Variants in SMYD3 observed in about 807,000 individuals in gnomAD.
The protein encoded by SMYD3 is SET and MYND domain containing 3.
In SMYD3, 36 loss-of-function variants were observed where a neutral mutation model predicts 57.7. That is an observed-to-expected ratio of 0.62 (90% CI 0.48 to 0.82). The LOEUF (loss-of-function observed/expected upper bound fraction) is 0.82, where lower values mean the gene tolerates loss of function less well. Among genes scored for constraint, SMYD3 ranks in the 40% least tolerant of loss-of-function variants. The probability of loss-of-function intolerance (pLI) is 0.00; values close to 1 mark genes in which losing one functional copy is unlikely to be tolerated. For synonymous variants in SMYD3, 211 were observed against 195.0 expected (o/e 1.08, Z -0.68); for missense variants, 515 against 538.8 (o/e 0.96, Z 0.44).
intron 5 of SMYD3, among the ~76,000 whole-genome samples, chr1:246,294,354 C>G (rs1292253130): frequency 6.6e-6 from 1 of 152,116 alleles, no homozygotes; most frequent in African/African-American, 2.4e-5. Context: ...AATTTCTTGA[C>G]CAGATTAAAT....
chr1:246,316,731 C>T (rs1056021369), intron 5 of SMYD3, among the ~76,000 whole-genome samples: 5 of 148,452 alleles, frequency 3.4e-5, no homozygotes, highest in Admixed American at 3.3e-4. Flanking sequence ...CACGGTGGCT[C>T]ATGCCTGTAA....
intron 5 of SMYD3, among the ~76,000 whole-genome samples, chr1:246,199,752 C>A (rs2062880450): frequency 6.6e-6 from 1 of 152,214 alleles, no homozygotes; most frequent in African/African-American, 2.4e-5. Context: ...ACAAAGTAAA[C>A]ACGGAGATGC....
chr1:245,969,210 C>T (rs372908851), intron 5 of SMYD3, among the ~76,000 whole-genome samples: 8 of 152,310 alleles, frequency 5.3e-5, no homozygotes, highest in South Asian at 4.1e-4. Flanking sequence ...AAAATCAACA[C>T]GGGTTTGCTG....
intron 1 of SMYD3, among the ~76,000 whole-genome samples, chr1:246,367,856 T>C (rs2066132540): frequency 1.3e-5 from 2 of 152,230 alleles, no homozygotes; most frequent in Non-Finnish European, 2.9e-5. Flanking sequence ...AAGATATTGA[T>C]ATTATTTTTT....
chr1:246,383,336 G>T (rs1270778106), intron 1 of SMYD3, among the ~76,000 whole-genome samples: 1 of 152,124 alleles, frequency 6.6e-6, no homozygotes, highest in South Asian at 2.1e-4. Context: ...TTCTGAGAAC[G>T]TTCTCCTCCC....
intron 8 of SMYD3, among the ~76,000 whole-genome samples, chr1:245,867,164 T>TA (rs1441702939): frequency 9.2e-5 from 14 of 152,126 alleles, no homozygotes; most frequent in Non-Finnish European, 1.6e-4. Context: ...CAAGGGTCCT[T>TA]AGAAGTAGAA....
intron 5 of SMYD3, among the ~76,000 whole-genome samples, chr1:245,979,517 A>G (rs1009605203): frequency 6.6e-6 from 1 of 152,142 alleles, no homozygotes. Context: ...CCACATGAAG[A>G]CGGGGGCAGA....
intron 1 of SMYD3, among the ~76,000 whole-genome samples, chr1:246,458,287 G>C (rs1479087170): frequency 2.0e-5 from 3 of 152,112 alleles, no homozygotes. Context: ...TCTCAGATGA[G>C]AAAAGGAGAG....
intron 5 of SMYD3, among the ~76,000 whole-genome samples, chr1:246,230,013 C>A (rs1007586238): frequency 3.3e-5 from 5 of 152,116 alleles, no homozygotes; most frequent in Non-Finnish European, 7.3e-5. Flanking sequence ...AGGTGGACCC[C>A]AAAAGTGAGG....
Position 246,098,327 on chromosome 1 carries a change from G to A in SMYD3, c.532-168390C>T, listed in dbSNP as rs941884849. On this transcript the variant is annotated intron_variant, in intron 5 of 11. Coordinates refer to ENST00000490107, the MANE Select transcript of SMYD3 (RefSeq NM_001167740.2). ...GAAAGTCCTAAATCCAAAGCCCTGC[G>A]GGAATGACATGAGTTTCCTGGTGTC... 6.4e-4 allele frequency among the ~76,000 whole-genome samples: 97 copies of A among 152,218 alleles called. 1 individual carries two copies. The highest frequency in any genetic ancestry group is 1.7e-3 in the Admixed American group (26 of 15,272).
chr1:245,886,846 C>T (rs2053113185), intron 8 of SMYD3, among the ~76,000 whole-genome samples: 1 of 152,180 alleles, frequency 6.6e-6, no homozygotes, highest in Non-Finnish European at 1.5e-5. Context: ...GACTTCCCAT[C>T]CCTCCATGAT....
chr1:246,092,530 A>G (rs183028142), intron 5 of SMYD3, among the ~76,000 whole-genome samples: 9 of 152,334 alleles, frequency 5.9e-5, no homozygotes, highest in Non-Finnish European at 7.3e-5. Context: ...CCTCATCAAT[A>G]AACGGTGCTG....
At chr1:246,313,960 T>G (rs2065119167) in intron 5 of SMYD3, among the ~76,000 whole-genome samples, 1 of 152,190 alleles carries the variant, frequency 6.6e-6, no homozygotes, top group Non-Finnish European at 1.5e-5. Context: ...ACTAAAAGAT[T>G]GTAGAATGCA....
At chr1:246,032,933 T>A (rs774328818) in intron 5 of SMYD3, among the ~76,000 whole-genome samples, 26 of 152,168 alleles carry the variant, frequency 1.7e-4, no homozygotes, top group Non-Finnish European at 3.1e-4. Flanking sequence ...GGCTTTAATT[T>A]CCTCAAATGT....
At chr1:246,053,353 C>G (rs1449316399) in intron 5 of SMYD3, among the ~76,000 whole-genome samples, 1 of 150,844 alleles carries the variant, frequency 6.6e-6, no homozygotes, top group Non-Finnish European at 1.5e-5. Context: ...TATGAAAAGG[C>G]AAGTGAAAAT....
intron 1 of SMYD3, among the ~76,000 whole-genome samples, chr1:246,467,132 T>C (rs2067893393): frequency 6.6e-6 from 1 of 152,006 alleles, no homozygotes; most frequent in African/African-American, 2.4e-5. Context: ...ATCACATCAC[T>C]GCACTCCAGC....
chr1:246,500,711 G>C (rs1429603518), intron 1 of SMYD3, among the ~76,000 whole-genome samples: 4 of 152,154 alleles, frequency 2.6e-5, no homozygotes, highest in Non-Finnish European at 4.4e-5. Context: ...CGTCCCCATG[G>C]TTGCTCTGTT....
At chr1:245,785,447 T>C (rs60357579) in intron 10 of SMYD3, among the ~76,000 whole-genome samples, 20,194 of 152,124 alleles carry the variant, frequency 0.13, 1,450 homozygotes, top group Admixed American at 0.17. Context: ...TACTTGCAGA[T>C]GCAATACTGT....
At chr1:245,822,364 A>C (rs2049211609) in intron 10 of SMYD3, among the ~76,000 whole-genome samples, 1 of 128,170 alleles carries the variant, frequency 7.8e-6, no homozygotes, top group African/African-American at 3.0e-5. Flanking sequence ...ACATGGACAC[A>C]GGAAGGGGAA....
Sources: allele counts gnomAD v4.1 joint callset (sites outside exome capture counted in the v4.1 genomes callset), GRCh38; gene constraint gnomAD v4.1.1; transcripts MANE v1.5; gene names NCBI Gene and HGNC (gene_info 2026-07-23, HGNC 2026-07-21).